The following ATG4B variants were observed in gnomAD, a reference collection of about 807,000 sequenced individuals.
ATG4B encodes the protein autophagy related 4B cysteine peptidase.
A neutral mutation model predicts 56.6 loss-of-function variants in ATG4B; 29 were observed. The ratio of observed to expected loss-of-function variants is 0.51; its 90% CI spans 0.38 to 0.70. ATG4B has a LOEUF of 0.70. Among genes scored for constraint, ATG4B ranks in the 30% least tolerant of loss-of-function variants. The pLI is 0.00. For synonymous variants in ATG4B, 224 were observed against 206.1 expected (o/e 1.09, Z -0.74); for missense variants, 461 against 515.5 (o/e 0.89, Z 1.02).
chr2:241,667,576 C>T (rs1445432960), intron 8 of ATG4B, among the ~76,000 whole-genome samples: 3 of 150,844 alleles, frequency 2.0e-5, no homozygotes, highest in East Asian at 3.9e-4. Context: ...TGCACTCCAT[C>T]CTGGGTGACA....
At chr2:241,648,169 CAT>C (rs1363487523) in intron 1 of ATG4B, among the ~76,000 whole-genome samples, 23 of 152,248 alleles carry the variant, frequency 1.5e-4, no homozygotes, top group Admixed American at 1.1e-3. Flanking sequence ...TTTTTGTAAT[CAT>C]GTGCAGAAAC....
intron 1 of ATG4B, 127 bp downstream of exon 1, chr2:241,637,851 C>G (rs1330566988): frequency 6.0e-6 from 5 of 826,502 alleles, no homozygotes; most frequent in Non-Finnish European, 6.0e-6. Context: ...TGGGCCGGGG[C>G]GGCGGGCGCT....
chr2:241,668,070 C>T lies in ATG4B; in HGVS notation c.733-73C>T, dbSNP rs1345671313. On this transcript the variant is annotated intron_variant, in intron 8 of 12. Coordinates refer to ENST00000404914, the MANE Select transcript of ATG4B (RefSeq NM_013325.5). The surrounding 1 kb of genome is among the most constrained non-coding windows in gnomAD (Gnocchi z 4.2). ...GTTGGGCCTCAGCAGGCCCTTGGGC[C>T]CCCTATGGCAGTGGGTGGGGGGACC... 2.0e-6 allele frequency: 3 copies of T among 1,478,020 alleles called. No individual in the cohort carries two copies. Among genetic ancestry groups the T allele is most frequent in the East Asian group, 2.5e-5 (1 of 40,370 alleles). 91.6% of individuals were successfully genotyped at this position (1,478,020 alleles called of 1,614,324 possible). A position where few individuals can be genotyped will look rare whatever the true frequency, so the allele number is the denominator to read the frequency against.
rs1328457205 is a variant in ATG4B at position 241,651,952 on chromosome 2, C to A, written c.184+617C>A. The A allele has an allele frequency of 7.7e-7, 1 of 1,303,988 alleles. No individual in the cohort carries two copies. The highest frequency in any genetic ancestry group is 5.5e-5 in the East Asian group (1 of 18,042). The allele number at this position is 1,303,988 out of a possible 1,614,324, so 80.8% of individuals were successfully genotyped here. On this transcript the variant is annotated intron_variant, in intron 3 of 12. Coordinates refer to ENST00000404914, the MANE Select transcript of ATG4B (RefSeq NM_013325.5). This position sits in a 1 kb window ranked among gnomAD's most constrained non-coding sequence, Gnocchi z 4.1. ...GACTGGTTCTCAGCCTTGCCTCTCA[C>A]CGGCGGAGAACTGAGGCCGGAGGTG... is the stretch of plus-strand genomic sequence containing the variant.
At position 241,660,599 on chromosome 2, in the gene ATG4B, G is replaced by A. The variant is rs540836043; in HGVS notation, c.538+1412G>A. Among the ~76,000 whole-genome samples the A allele has an allele frequency of 8.1e-4, 123 of 152,278 alleles. 1 individual carries two copies. The highest frequency in any genetic ancestry group is 2.8e-3 in the African/African-American group (118 of 41,542). On this transcript the variant is annotated intron_variant, in intron 7 of 12. Coordinates refer to ENST00000404914, the MANE Select transcript of ATG4B (RefSeq NM_013325.5). ...ATAAAACATTGGAAACACAGGAAGA[G>A]TACAAAGAAAGAGAAAAATTATTGA...
intron 12 of ATG4B, chr2:241,671,774 C>T: frequency 7.8e-7 from 1 of 1,283,656 alleles, no homozygotes; most frequent in Non-Finnish European, 1.0e-6. Context: ...GGCGTAGACC[C>T]CTCGGACCAT....
chr2:241,638,554 A>T (rs1369966490), intron 1 of ATG4B, among the ~76,000 whole-genome samples: 1 of 152,198 alleles, frequency 6.6e-6, no homozygotes, highest in African/African-American at 2.4e-5. Context: ...TTTGCCTTTT[A>T]CCAAGTATCC....
chr2:241,646,926 G>T (rs890841701), intron 1 of ATG4B, among the ~76,000 whole-genome samples: 1 of 151,950 alleles, frequency 6.6e-6, no homozygotes, highest in East Asian at 1.9e-4. Flanking sequence ...GGGATTACAG[G>T]CACCTGCCAC....
At chr2:241,667,388 G>A (rs746600532) in intron 8 of ATG4B, among the ~76,000 whole-genome samples, 62 of 151,968 alleles carry the variant, frequency 4.1e-4, no homozygotes, top group Non-Finnish European at 6.0e-4. Context: ...GGCAGATCAC[G>A]AGGTCAGGAG....
At chr2:241,649,332 A>G (rs1443815640) in intron 1 of ATG4B, among the ~76,000 whole-genome samples, 2 of 152,260 alleles carry the variant, frequency 1.3e-5, no homozygotes, top group African/African-American at 4.8e-5. Flanking sequence ...TTGCTGGGCA[A>G]CGAGGCTTCA....
At chr2:241,669,768 A>T (rs529646633) in intron 10 of ATG4B, among the ~76,000 whole-genome samples, 9 of 152,174 alleles carry the variant, frequency 5.9e-5, no homozygotes, top group African/African-American at 2.2e-4. Context: ...CGGCCTCCCA[A>T]AGTGCTGGGA....
In ATG4B at chr2:241,668,483, T is replaced by A. The variant is rs1035226694; in HGVS notation, c.812-57T>A. ...AGTGGGTCTGAAATGCGGCCTCCTCTGTCCCTTTCCTCTGCCGGCTCGGCC... is the reference window on the plus strand; with the variant it reads ...AGTGGGTCTGAAATGCGGCCTCCTCAGTCCCTTTCCTCTGCCGGCTCGGCC... On this transcript the variant is annotated intron_variant, in intron 9 of 12. Transcript: ENST00000404914. The surrounding 1 kb of genome is among the most constrained non-coding windows in gnomAD (Gnocchi z 4.2). 2 of 1,575,028 alleles carry A rather than the reference T, an allele frequency of 1.3e-6. No homozygotes were observed. The highest frequency in any genetic ancestry group is 2.7e-5 in the African/African-American group (2 of 74,058).
chr2:241,648,690 C>A (rs1281998430), intron 1 of ATG4B, among the ~76,000 whole-genome samples: 5 of 152,108 alleles, frequency 3.3e-5, no homozygotes, highest in Non-Finnish European at 2.9e-5. Context: ...TCCACAACGC[C>A]CGTCATCTTG....
chr2:241,645,231 A>G (rs1238975267), intron 1 of ATG4B, among the ~76,000 whole-genome samples: 2 of 152,152 alleles, frequency 1.3e-5, no homozygotes, highest in East Asian at 3.9e-4. Flanking sequence ...AACTGAAGAG[A>G]TGCGAGTCTG....
At chr2:241,664,957 T>C (rs1395451460) in intron 7 of ATG4B, among the ~76,000 whole-genome samples, 1 of 151,804 alleles carries the variant, frequency 6.6e-6, no homozygotes, top group Non-Finnish European at 1.5e-5. Context: ...GAGAATCGGC[T>C]TCAAAAAAGA....
At chr2:241,649,166 C>G (rs372781118) in intron 1 of ATG4B, among the ~76,000 whole-genome samples, 5 of 152,226 alleles carry the variant, frequency 3.3e-5, no homozygotes, top group African/African-American at 1.2e-4. Context: ...CCCCCTGCCT[C>G]CCCAAGGGGA....
At chr2:241,663,929 C>T (rs2068672909) in intron 7 of ATG4B, among the ~76,000 whole-genome samples, 1 of 151,980 alleles carries the variant, frequency 6.6e-6, no homozygotes, top group Non-Finnish European at 1.5e-5. Flanking sequence ...CCTGCCTCAG[C>T]CTCCTGAGTA....
At chr2:241,672,141 C>A (rs766397379) in intron 12 of ATG4B, 50 bp from the exon 13 acceptor site, 5 of 1,550,750 alleles carry the variant, frequency 3.2e-6, no homozygotes, top group Non-Finnish European at 4.4e-6. Context: ...TGACTCACAC[C>A]CAGGTGGCCC....
intron 4 of ATG4B, among the ~76,000 whole-genome samples, chr2:241,654,087 G>A (rs775940392): frequency 2.6e-5 from 4 of 151,830 alleles, no homozygotes; most frequent in Non-Finnish European, 5.9e-5. Context: ...ATAACTTGGC[G>A]TATATGTATT....
Sources: allele counts gnomAD v4.1 joint callset (sites outside exome capture counted in the v4.1 genomes callset), GRCh38; gene constraint gnomAD v4.1.1; non-coding constraint Gnocchi (gnomAD v3.1); transcripts MANE v1.5; gene names NCBI Gene and HGNC (gene_info 2026-07-23, HGNC 2026-07-21).